Variants in MAPK10 observed in about 807,000 individuals in gnomAD.
MAPK10 encodes mitogen-activated protein kinase 10.
MAPK10 carries 25 observed loss-of-function variants against 59.3 expected under a neutral mutation model. The observed-to-expected ratio is 0.42, with a 90% CI of 0.31 to 0.59. The LOEUF is 0.59. Ranked by LOEUF, MAPK10 falls within the 20% of genes least tolerant of loss-of-function variation. The pLI is 0.15. For synonymous variants in MAPK10, 190 were observed against 200.5 expected, an observed-to-expected ratio of 0.95 and a Z score of 0.44; for missense variants, 351 against 568.9, an observed-to-expected ratio of 0.62 and a Z score of 3.90.
At chr4:86,535,926 C>G (rs116386357) in intron 1 of MAPK10, among the ~76,000 whole-genome samples, 7,111 of 152,200 alleles carry the variant, frequency 0.047, 227 homozygotes, top group Non-Finnish European at 0.069. Context: ...AAGTCTATGG[C>G]CACTGTGCTC....
chr4:86,401,684 T>C (rs1362539760), intron 1 of MAPK10, among the ~76,000 whole-genome samples: 1 of 152,196 alleles, frequency 6.6e-6, no homozygotes, highest in Non-Finnish European at 1.5e-5. Context: ...TTTTAATTAA[T>C]ATGACCCTAA....
rs530974932 is a variant in MAPK10, at chr4:86,169,862, T to C, written c.67-10395A>G. Among the ~76,000 whole-genome samples, 770 of 152,134 alleles carry C rather than the reference T, an allele frequency of 5.1e-3. 3 individuals carry two copies. Among genetic ancestry groups the C allele is most frequent in the Non-Finnish European group, 7.4e-3 (501 of 68,010 alleles). Reference sequence around the variant, plus strand: ...GGAAGCCCATCAGACTAACAGCGGATCTCTCGGCAGAAACCCTACAAGCCA... The same window carrying C: ...GGAAGCCCATCAGACTAACAGCGGACCTCTCGGCAGAAACCCTACAAGCCA... On this transcript the variant is annotated intron_variant, in intron 3 of 13. Coordinates refer to ENST00000641462, the MANE Select transcript of MAPK10 (RefSeq NM_138982.4).
chr4:86,289,912 T>C lies in MAPK10; in HGVS notation c.-7+64618A>G, dbSNP rs148463558. Among the ~76,000 whole-genome samples, 1,267 of 152,250 alleles carry C rather than the reference T, an allele frequency of 8.3e-3. 14 individuals are homozygous for C. Among genetic ancestry groups the C allele is most frequent in the African/African-American group, 0.028 (1,165 of 41,568 alleles). On this transcript the variant is annotated intron_variant, in intron 2 of 13. Coordinates refer to ENST00000641462, the MANE Select transcript of MAPK10 (RefSeq NM_138982.4). The stretch of plus-strand genomic sequence containing the variant: ...TTAGCTTGAGCAACTATGTGAATAA[T>C]GATGTCATTTCCTGAGGTGGAGAAA...
At chr4:86,248,837 T>C (rs115689088) in intron 2 of MAPK10, among the ~76,000 whole-genome samples, 1,761 of 152,332 alleles carry the variant, frequency 0.012, 41 homozygotes, top group African/African-American at 0.041. Flanking sequence ...TGCAATCTTA[T>C]TAAATATTTC....
intron 1 of MAPK10, among the ~76,000 whole-genome samples, chr4:86,427,062 C>T (rs1189814084): frequency 6.6e-6 from 1 of 151,800 alleles, no homozygotes; most frequent in Non-Finnish European, 1.5e-5. Context: ...TCGAGACCAT[C>T]CTGGTTAACG....
At chr4:86,386,144 G>C (rs1741427507) in intron 1 of MAPK10, among the ~76,000 whole-genome samples, 1 of 152,140 alleles carries the variant, frequency 6.6e-6, no homozygotes, top group African/African-American at 2.4e-5. Flanking sequence ...AGGGAAATGG[G>C]GGGGAATCAT....
intron 1 of MAPK10, among the ~76,000 whole-genome samples, chr4:86,445,963 G>A (rs1304690441): frequency 6.6e-6 from 1 of 151,990 alleles, no homozygotes. Context: ...ACAGGTAAAG[G>A]TAAAGAAAAA....
chr4:86,571,666 A>G (rs908225379), intron 1 of MAPK10, among the ~76,000 whole-genome samples: 6 of 152,094 alleles, frequency 3.9e-5, no homozygotes, highest in Admixed American at 3.9e-4. Flanking sequence ...TTTCCTTCCT[A>G]GAGAAATCAA....
intron 1 of MAPK10, among the ~76,000 whole-genome samples, chr4:86,525,155 G>T (rs1757386749): frequency 6.6e-6 from 1 of 152,042 alleles, no homozygotes. Flanking sequence ...AAATTAGCCA[G>T]GAGTGGTGGT....
intron 9 of MAPK10, chr4:86,081,599 G>C (rs1290299002): frequency 6.6e-6 from 1 of 151,984 alleles, no homozygotes; most frequent in Admixed American, 6.6e-5. Context: ...CACAGGAAAA[G>C]ATCCTTAGCC....
chr4:86,503,874 C>A (rs116612554), intron 1 of MAPK10, among the ~76,000 whole-genome samples: 41 of 152,180 alleles, frequency 2.7e-4, no homozygotes, highest in African/African-American at 9.9e-4. Flanking sequence ...TCTCCCTAAT[C>A]CTACTCTAGC....
At chr4:86,123,484 T>A (rs1287906882) in intron 4 of MAPK10, among the ~76,000 whole-genome samples, 1 of 152,042 alleles carries the variant, frequency 6.6e-6, no homozygotes, top group Non-Finnish European at 1.5e-5. Context: ...CTGTTTTCCA[T>A]AATGGCCGTA....
At chr4:86,554,219 AG>A (rs1483140153) in intron 1 of MAPK10, among the ~76,000 whole-genome samples, 9 of 152,192 alleles carry the variant, frequency 5.9e-5, no homozygotes, top group Non-Finnish European at 1.2e-4. Context: ...TGATTCTTCC[AG>A]GGTTTCATCC....
At chr4:86,191,362 A>G (rs2079723934) in intron 3 of MAPK10, among the ~76,000 whole-genome samples, 1 of 151,956 alleles carries the variant, frequency 6.6e-6, no homozygotes, top group South Asian at 2.1e-4. Flanking sequence ...TTCTCCCACT[A>G]TTATTGTGTG....
chr4:86,359,839 A>C lies in MAPK10; in HGVS notation c.-303T>G, dbSNP rs1053468462. On this transcript the variant is annotated 5_prime_UTR_variant, in exon 1 of 14. Coordinates refer to ENST00000641462, the MANE Select transcript of MAPK10 (RefSeq NM_138982.4). ...AGAAAACCCAATCTTAAACTCACTCAAGCCCCTAGGAATTGAGGGGTGAGG... is the reference window on the plus strand; with the variant it reads ...AGAAAACCCAATCTTAAACTCACTCCAGCCCCTAGGAATTGAGGGGTGAGG... 11 of 985,654 alleles carry C rather than the reference A, an allele frequency of 1.1e-5. No individual in the cohort carries two copies. The African/African-American group carries it at 1.9e-4, about 17-fold the overall frequency. The allele number at this position is 985,654 out of a possible 1,614,324, so 61.1% of individuals were successfully genotyped here.
At chr4:86,246,456 A>C (rs912023325) in intron 2 of MAPK10, among the ~76,000 whole-genome samples, 5 of 152,172 alleles carry the variant, frequency 3.3e-5, no homozygotes, top group Non-Finnish European at 5.9e-5. Context: ...AACAACAACA[A>C]CATCAAGTTG....
intron 11 of MAPK10, among the ~76,000 whole-genome samples, chr4:86,063,686 T>G (rs1232358200): frequency 6.6e-6 from 1 of 152,182 alleles, no homozygotes; most frequent in East Asian, 1.9e-4. Context: ...GTTATGCTTC[T>G]GAGAAGATTC....
chr4:86,498,699 C>A (rs1428400977), intron 1 of MAPK10, among the ~76,000 whole-genome samples: 1 of 152,126 alleles, frequency 6.6e-6, no homozygotes, highest in Non-Finnish European at 1.5e-5. Flanking sequence ...CGTGGGTCAC[C>A]ACCACAAATA....
chr4:86,065,051 T>C (rs187380544), intron 10 of MAPK10: 2 of 152,208 alleles, frequency 1.3e-5, no homozygotes, highest in Admixed American at 1.3e-4. Context: ...ACTACAGGCA[T>C]GCACCACCAT....
Sources: gnomAD v4.1 joint callset for allele counts (sites outside exome capture counted in the v4.1 genomes callset) on GRCh38, gnomAD v4.1.1 for gene constraint, MANE v1.5 for transcripts, NCBI Gene and HGNC (gene_info 2026-07-23, HGNC 2026-07-21) for gene names.